EML4: variants seen among roughly 807,000 people sequenced by gnomAD.
The protein encoded by EML4 is echinoderm microtubule-associated protein-like 4.
In EML4, 72 loss-of-function variants were observed where a neutral mutation model predicts 129.0. That is an observed-to-expected ratio of 0.56 (90% CI 0.46 to 0.68). EML4 has a LOEUF of 0.68. Among genes scored for constraint, EML4 ranks in the 30% least tolerant of loss-of-function variants. EML4 has a pLI of 0.00. For missense variants in EML4, 1,363 were observed against 1,190.6 expected (o/e 1.14, Z -2.13); for synonymous variants, 532 against 405.0 (o/e 1.31, Z -3.77).
At chr2:42,230,996 A>G (rs1674302769) in intron 1 of EML4, among the ~76,000 whole-genome samples, 1 of 152,178 alleles carries the variant, frequency 6.6e-6, no homozygotes. Flanking sequence ...TTTAAATAAA[A>G]ACACCACTGT....
intron 8 of EML4, 140 bp downstream of exon 8, chr2:42,283,112 T>G: frequency 1.2e-6 from 1 of 847,358 alleles, no homozygotes; most frequent in African/African-American, 1.8e-5. Context: ...TTGAATATAT[T>G]TTAAAAAGAA....
intron 13 of EML4, among the ~76,000 whole-genome samples, 162 bp from the exon 14 acceptor site, chr2:42,301,079 C>T (rs1668259813): frequency 6.6e-6 from 1 of 152,190 alleles, no homozygotes; most frequent in African/African-American, 2.4e-5. Context: ...CTAAACTTTA[C>T]TACCTGCTTT....
rs1392167400 is a variant in EML4, at chr2:42,330,192, T to A, written c.2931T>A (p.Pro977=). ...KATLLEDQQD[P]SPSS ...CCCTTCTGGAGGACCAGCAAGACCC[T>A]TCGCCCTCGTCCTAACACCCTGGCT... Residue 977 remains proline (P), a synonymous_variant, in exon 23 of 23, where the codon CCT becomes CCA. Coordinates refer to ENST00000318522, the MANE Select transcript of EML4 (RefSeq NM_019063.5). 6.2e-7 allele frequency: 1 copy of A among 1,612,790 alleles called. No individual in the cohort carries two copies. The highest frequency in any genetic ancestry group is 1.7e-5 in the Admixed American group (1 of 59,748).
In EML4 at chr2:42,189,124, C is replaced by T. The variant is rs192220758; in HGVS notation, c.25+19488C>T. Reference sequence around the variant, plus strand: ...TCAAGCAGTCCTCCCTACTCGGCCTCCCAAAGTGCTGGGATTACAGGCATG... The same window carrying T: ...TCAAGCAGTCCTCCCTACTCGGCCTTCCAAAGTGCTGGGATTACAGGCATG... On this transcript the variant is annotated intron_variant, in intron 1 of 22. Transcript: ENST00000318522. Among the ~76,000 whole-genome samples, 420 of 152,202 alleles carry T rather than the reference C, an allele frequency of 2.8e-3. 2 individuals are homozygous for T. The highest frequency in any genetic ancestry group is 9.9e-3 in the African/African-American group (411 of 41,524).
chr2:42,198,249 A>AAT (rs1672012059), intron 1 of EML4, among the ~76,000 whole-genome samples: 1 of 152,096 alleles, frequency 6.6e-6, no homozygotes, highest in South Asian at 2.1e-4. Context: ...TAGAGATGTG[A>AAT]ATATATATTT....
At chr2:42,295,092 C>T in intron 11 of EML4, 33 bp from the exon 12 acceptor site, 2 of 1,579,188 alleles carry the variant, frequency 1.3e-6, no homozygotes, top group South Asian at 1.2e-5. Context: ...TAAGGATATA[C>T]ATTCATCTAA....
At chr2:42,288,536 A>T in intron 11 of EML4, 1 of 289,052 alleles carries the variant, frequency 3.5e-6, no homozygotes. Flanking sequence ...AAGCAATTTC[A>T]ATATTTCAGA....
At chr2:42,262,935 A>T (rs537031178) in intron 4 of EML4, among the ~76,000 whole-genome samples, 70 of 152,200 alleles carry the variant, frequency 4.6e-4, no homozygotes, top group South Asian at 1.2e-3. Flanking sequence ...AGTGTTTTTT[A>T]AAAAAAATCA....
intron 9 of EML4, chr2:42,285,959 TTTC>T (rs1332248050): frequency 3.1e-6 from 1 of 319,850 alleles, no homozygotes; most frequent in African/African-American, 2.1e-5. Context: ...TGTATTCCAA[TTTC>T]TTCATCTGTT....
chr2:42,204,868 A>G (rs1391200243), intron 1 of EML4, among the ~76,000 whole-genome samples: 4 of 152,252 alleles, frequency 2.6e-5, no homozygotes, highest in African/African-American at 9.6e-5. Flanking sequence ...GTTACAAGCT[A>G]GTAATGAATC....
intron 6 of EML4, among the ~76,000 whole-genome samples, chr2:42,269,467 T>C (rs1347823367): frequency 3.9e-5 from 6 of 152,212 alleles, no homozygotes; most frequent in African/African-American, 1.4e-4. Flanking sequence ...TTACAGTAGT[T>C]ACAGTGTTGA....
At chr2:42,213,360 C>T (rs912117035) in intron 1 of EML4, among the ~76,000 whole-genome samples, 1 of 152,124 alleles carries the variant, frequency 6.6e-6, no homozygotes, top group African/African-American at 2.4e-5. Context: ...TTGTGTCTGG[C>T]TTCTTTTGCT....
At chr2:42,250,899 G>GA (rs1675722922) in intron 2 of EML4, among the ~76,000 whole-genome samples, 1 of 152,148 alleles carries the variant, frequency 6.6e-6, no homozygotes, top group South Asian at 2.1e-4. Flanking sequence ...CCCATGTTGG[G>GA]GTGATGGGAG....
intron 1 of EML4, among the ~76,000 whole-genome samples, chr2:42,185,468 G>A (rs928938715): frequency 9.2e-5 from 14 of 152,136 alleles, no homozygotes; most frequent in African/African-American, 2.9e-4. Context: ...ATAGAAAAAA[G>A]TTTTCAACCC....
intron 17 of EML4, among the ~76,000 whole-genome samples, chr2:42,315,291 G>A (rs577053193): frequency 6.6e-6 from 1 of 152,198 alleles, no homozygotes; most frequent in South Asian, 2.1e-4. Flanking sequence ...CCATCACTGA[G>A]GTTGGCATTT....
chr2:42,233,065 A>G (rs1010390004), intron 1 of EML4, among the ~76,000 whole-genome samples: 2 of 152,088 alleles, frequency 1.3e-5, no homozygotes, highest in African/African-American at 4.8e-5. Context: ...ATTTTGCCTC[A>G]TTCCAATGTC....
At chr2:42,184,664 T>G (rs1671143110) in intron 1 of EML4, among the ~76,000 whole-genome samples, 1 of 152,196 alleles carries the variant, frequency 6.6e-6, no homozygotes, top group South Asian at 2.1e-4. Flanking sequence ...AATTCCTGTT[T>G]ATCCAAAGTA....
chr2:42,282,939 G>A lies in EML4; in HGVS notation c.908G>A (p.Arg303Gln), dbSNP rs775548568. 6 of 1,613,808 alleles carry A rather than the reference G, an allele frequency of 3.7e-6. No homozygotes were observed. Among genetic ancestry groups the A allele is most frequent in the East Asian group, 2.2e-5 (1 of 44,852 alleles). Residue 303 changes from arginine to glutamine, a missense_variant, in exon 8 of 23, where the codon CGA becomes CAA. Physicochemically the swap from Arg to Gln is conservative, Grantham distance 43. Transcript: ENST00000318522. The part of the protein sequence containing the change: ...VLFNYEERTQ[R>Q]HYLGHTDCVK... ...TTTAATTATGAGGAGAGAACTCAGC[G>A]ACACTACCTGGGCCATACAGACTGT...
intron 1 of EML4, among the ~76,000 whole-genome samples, chr2:42,188,883 G>A (rs766189862): frequency 3.3e-5 from 5 of 152,104 alleles, no homozygotes; most frequent in Admixed American, 6.5e-5. Flanking sequence ...TAATCCCAGC[G>A]CTTTGGGAGT....
Sources: allele counts gnomAD v4.1 joint callset (sites outside exome capture counted in the v4.1 genomes callset), GRCh38; gene constraint gnomAD v4.1.1; transcripts MANE v1.5; gene names NCBI Gene and HGNC (gene_info 2026-07-23, HGNC 2026-07-21).